The following DOCK10 variants were observed in gnomAD, a reference collection of about 807,000 sequenced individuals.
DOCK10 encodes the protein dedicator of cytokinesis protein 10.
Under a neutral mutation model 280.1 loss-of-function variants are expected in DOCK10, and 145 were observed. The observed-to-expected ratio is 0.52, with a 90% CI of 0.45 to 0.59. The LOEUF is 0.59. Among genes scored for constraint, DOCK10 ranks in the 20% least tolerant of loss-of-function variants. The pLI is 0.00. For missense variants in DOCK10, 2,368 were observed against 2,651.7 expected, an observed-to-expected ratio of 0.89 and a Z score of 2.35; for synonymous variants, 915 against 942.2, an observed-to-expected ratio of 0.97 and a Z score of 0.53.
chr2:224,851,477 TC>T (rs1299908290), intron 18 of DOCK10, among the ~76,000 whole-genome samples: 10 of 147,758 alleles, frequency 6.8e-5, no homozygotes, highest in Non-Finnish European at 1.5e-4. Context: ...AAAAAAAGAC[TC>T]TTTTTTATAT....
intron 4 of DOCK10, among the ~76,000 whole-genome samples, chr2:224,894,556 A>G (rs1009136306): frequency 2.0e-5 from 3 of 152,242 alleles, no homozygotes; most frequent in Non-Finnish European, 4.4e-5. Flanking sequence ...AGTTGTGCCT[A>G]CAAAAACTGT....
intron 1 of DOCK10, among the ~76,000 whole-genome samples, chr2:224,994,899 G>A (rs1706227465): frequency 6.6e-6 from 1 of 152,168 alleles, no homozygotes; most frequent in Non-Finnish European, 1.5e-5. Context: ...CACAGTTTCT[G>A]TGCGTCAGGA....
chr2:224,966,656 C>A (rs1006244401), intron 1 of DOCK10, among the ~76,000 whole-genome samples: 1 of 152,162 alleles, frequency 6.6e-6, no homozygotes, highest in Non-Finnish European at 1.5e-5. Context: ...GTTGTTATCA[C>A]ACAGCATCCC....
At chr2:224,827,447 T>A (rs1169664218) in intron 27 of DOCK10, among the ~76,000 whole-genome samples, 2 of 152,064 alleles carry the variant, frequency 1.3e-5, no homozygotes, top group Non-Finnish European at 2.9e-5. Flanking sequence ...GACACAATCA[T>A]GCTGGCTATT....
chr2:224,888,774 GTGTGTGAATATATGTTTTTGTA>G (rs1318484938), intron 4 of DOCK10, among the ~76,000 whole-genome samples: 1 of 151,404 alleles, frequency 6.6e-6, no homozygotes, highest in East Asian at 1.9e-4. Flanking sequence ...GTGTATGTAT[GTGTGTGAATATATGTTTTTGTA>G]TGTGTGAATA....
intron 3 of DOCK10, among the ~76,000 whole-genome samples, chr2:224,912,143 AT>A (rs201806896): frequency 0.04 from 5,932 of 146,512 alleles, 339 homozygotes; most frequent in African/African-American, 0.13. Flanking sequence ...TTAAAAATAC[AT>A]TTTTTTTTTT....
At chr2:224,833,276 C>T (rs1574904325) in intron 26 of DOCK10, among the ~76,000 whole-genome samples, 2 of 152,298 alleles carry the variant, frequency 1.3e-5, no homozygotes, top group South Asian at 4.1e-4. Context: ...CCTATGCTAA[C>T]TCCCAAGCCT....
chr2:224,933,242 G>T (rs1395914), intron 1 of DOCK10, among the ~76,000 whole-genome samples: 50,202 of 152,038 alleles, frequency 0.33, 8,392 homozygotes, highest in Middle Eastern at 0.36. Context: ...ATTGCCTTTT[G>T]ATATTATTCT....
intron 4 of DOCK10, among the ~76,000 whole-genome samples, chr2:224,889,311 C>T (rs926850853): frequency 3.3e-5 from 5 of 152,202 alleles, no homozygotes; most frequent in Non-Finnish European, 5.9e-5. Context: ...CTTACCCTCC[C>T]TTCATTTTCA....
intron 1 of DOCK10, among the ~76,000 whole-genome samples, chr2:224,951,039 TAGAC>T (rs535877140): frequency 1.3e-3 from 192 of 152,300 alleles, no homozygotes; most frequent in Middle Eastern, 3.4e-3. Context: ...GTGTGAGAGA[TAGAC>T]AGGCTGAAAA....
intron 1 of DOCK10, among the ~76,000 whole-genome samples, chr2:224,992,374 A>G (rs1397474285): frequency 6.6e-6 from 1 of 152,222 alleles, no homozygotes; most frequent in East Asian, 1.9e-4. Flanking sequence ...TTCTTTCCAA[A>G]TCAATTTTAA....
At chr2:224,935,726 T>C (rs1428513672) in intron 1 of DOCK10, among the ~76,000 whole-genome samples, 3 of 152,206 alleles carry the variant, frequency 2.0e-5, no homozygotes, top group African/African-American at 7.2e-5. Flanking sequence ...ATAAAGCCTA[T>C]GGGTTTTTAA....
intron 8 of DOCK10, 31 bp from the exon 9 acceptor site, chr2:224,874,782 A>C (rs1461537972): frequency 4.4e-6 from 7 of 1,580,524 alleles, no homozygotes; most frequent in African/African-American, 2.7e-5. Context: ...CAGGTTATTA[A>C]ATATTACTCA....
intron 55 of DOCK10, among the ~76,000 whole-genome samples, chr2:224,769,488 A>G (rs1046068332): frequency 2.6e-5 from 4 of 152,208 alleles, no homozygotes; most frequent in African/African-American, 9.6e-5. Flanking sequence ...GAACACATCT[A>G]ACTCCTGGAG....
At chr2:224,871,520 G>A (rs1043941955) in intron 11 of DOCK10, among the ~76,000 whole-genome samples, 4 of 152,092 alleles carry the variant, frequency 2.6e-5, no homozygotes, top group Non-Finnish European at 5.9e-5. Flanking sequence ...CCATTGAATA[G>A]CTTCCAATCA....
At chr2:225,005,718 G>C (rs78012543) in intron 1 of DOCK10, among the ~76,000 whole-genome samples, 1 of 152,158 alleles carries the variant, frequency 6.6e-6, no homozygotes, top group Non-Finnish European at 1.5e-5. Context: ...AAGCCCACTC[G>C]GTCTTTGTGT....
At chr2:224,964,569 AT>A (rs1246609131) in intron 1 of DOCK10, among the ~76,000 whole-genome samples, 1 of 151,752 alleles carries the variant, frequency 6.6e-6, no homozygotes, top group East Asian at 1.9e-4. Flanking sequence ...CAGTGGCATC[AT>A]TATAGCTCAC....
intron 3 of DOCK10, among the ~76,000 whole-genome samples, chr2:224,897,180 A>G (rs147719916): frequency 1.4e-3 from 208 of 152,290 alleles, no homozygotes; most frequent in African/African-American, 4.5e-3. Context: ...TTAGCCTGAA[A>G]CTAGCTTTTC....
intron 1 of DOCK10, among the ~76,000 whole-genome samples, chr2:224,944,282 C>G (rs1433608159): frequency 1.3e-5 from 2 of 152,184 alleles, no homozygotes; most frequent in Admixed American, 6.5e-5. Flanking sequence ...AAAAAAGATT[C>G]CCAGGAGAAA....
Sources: gnomAD v4.1 joint callset for allele counts (sites outside exome capture counted in the v4.1 genomes callset) on GRCh38, gnomAD v4.1.1 for gene constraint, MANE v1.5 for transcripts, NCBI Gene and HGNC (gene_info 2026-07-23, HGNC 2026-07-21) for gene names.